IQSEC3: variants seen among roughly 807,000 people sequenced by gnomAD.
IQSEC3 encodes IQ motif and Sec7 domain ArfGEF 3, also known as IQ motif and SEC7 domain-containing protein 3.
Under a neutral mutation model 105.4 loss-of-function variants are expected in IQSEC3, and 50 were observed. The ratio of observed to expected loss-of-function variants is 0.47; its 90% CI spans 0.38 to 0.60. The LOEUF (loss-of-function observed/expected upper bound fraction) is 0.60. IQSEC3 is among the 20% of genes least tolerant of loss of function. IQSEC3 has a pLI of 0.00. For synonymous variants in IQSEC3, 708 were observed against 746.0 expected (o/e 0.95, Z 0.83); for missense variants, 1,415 against 1,630.0 (o/e 0.87, Z 2.27).
At position 150,553 on chromosome 12, in the gene IQSEC3, G is replaced by A. The variant is rs546260576; in HGVS notation, c.2154-6472G>A. Among the ~76,000 whole-genome samples, 173 of 152,302 alleles carry A rather than the reference G, an allele frequency of 1.1e-3. 1 individual carries two copies. Among genetic ancestry groups the A allele is most frequent in the African/African-American group, 4.0e-3 (168 of 41,558 alleles). On this transcript the variant is annotated intron_variant, in intron 5 of 13. Transcript: ENST00000538872. Reference sequence around the variant, plus strand: ...CAGAGGAAAGAGTCCACCTGGGGAGGGAGGGTGATGGAAGCCAAGAAGACG... The same window carrying A: ...CAGAGGAAAGAGTCCACCTGGGGAGAGAGGGTGATGGAAGCCAAGAAGACG...
At chr12:124,190 C>A (rs1426225285) in intron 2 of IQSEC3, among the ~76,000 whole-genome samples, 1 of 151,908 alleles carries the variant, frequency 6.6e-6, no homozygotes, top group Non-Finnish European at 1.5e-5. Context: ...AGTTCGAGAC[C>A]AGCCTGGCTG....
intron 12 of IQSEC3, among the ~76,000 whole-genome samples, chr12:169,589 G>A (rs2137066809): frequency 6.6e-6 from 1 of 152,292 alleles, no homozygotes; most frequent in South Asian, 2.1e-4. Context: ...CCCTGGCTCA[G>A]GTCAGCCCAC....
intron 13 of IQSEC3, among the ~76,000 whole-genome samples, chr12:172,589 C>T (rs1310839989): frequency 6.6e-6 from 1 of 152,220 alleles, no homozygotes; most frequent in African/African-American, 2.4e-5. Context: ...TCGCCTCCCA[C>T]GGCCTCAGCT....
At chr12:163,712 G>C (rs1867034203) in intron 9 of IQSEC3, 93 bp downstream of exon 9, 1 of 792,310 alleles carries the variant, frequency 1.3e-6, no homozygotes, top group Admixed American at 2.0e-5. Flanking sequence ...GGCAGGAAAG[G>C]ACGCCCAGAG....
At chr12:76,411 G>C (rs1371140114) in intron 1 of IQSEC3, among the ~76,000 whole-genome samples, 1 of 152,254 alleles carries the variant, frequency 6.6e-6, no homozygotes, top group African/African-American at 2.4e-5. Flanking sequence ...TTACTGACTT[G>C]GGCTGGGGGA....
At position 157,442 on chromosome 12, in the gene IQSEC3, AC is replaced by A; in HGVS notation, c.2277-81del. The stretch of plus-strand genomic sequence containing the variant: ...CCTAAAGCCTTCGGAGAGCTGGGAT[AC>A]CCCCTGGACACCCCCTTCCTTTGTT... On this transcript the variant is annotated intron_variant, in intron 6 of 13. Coordinates refer to ENST00000538872, the MANE Select transcript of IQSEC3 (RefSeq NM_001170738.2). 1.9e-6 allele frequency: 2 copies of A among 1,060,238 alleles called. 1 individual carries two copies. Among genetic ancestry groups the A allele is most frequent in the South Asian group, 3.2e-5 (2 of 62,168 alleles). 65.7% of individuals were successfully genotyped at this position (1,060,238 alleles called of 1,614,324 possible). A position where few individuals can be genotyped will look rare whatever the true frequency, so the allele number is the denominator to read the frequency against.
chr12:139,250 G>A lies in IQSEC3; in HGVS notation c.1887G>A (p.Leu629=), dbSNP rs1555088338. ...KDALQAMILS[L]PRYHCENPAS... The stretch of plus-strand genomic sequence containing the variant: ...CCCTGCAGGCCATGATCCTGAGCCT[G>A]CCGCGCTACCACTGCGAGAACCCAG... Residue 629 remains leucine, a synonymous_variant, in exon 4 of 14, where the codon CTG becomes CTA. Transcript: ENST00000538872. The A allele has an allele frequency of 1.2e-6, 2 of 1,609,382 alleles. No homozygotes were observed. The highest frequency in any genetic ancestry group is 3.3e-5 in the Admixed American group (2 of 59,726).
At chr12:124,454 A>T (rs1555082626) in intron 2 of IQSEC3, among the ~76,000 whole-genome samples, 1 of 152,044 alleles carries the variant, frequency 6.6e-6, no homozygotes, top group African/African-American at 2.4e-5. Context: ...TGTGCTAAGC[A>T]CCTGACCTCT....
At chr12:128,947 G>A (rs1195100899) in intron 3 of IQSEC3, among the ~76,000 whole-genome samples, 5 of 152,270 alleles carry the variant, frequency 3.3e-5, no homozygotes, top group East Asian at 1.9e-4. Context: ...GGTTCCAGCC[G>A]TTCCTATTTG....
At chr12:110,800 C>G (rs1555079348) in intron 2 of IQSEC3, among the ~76,000 whole-genome samples, 1 of 152,062 alleles carries the variant, frequency 6.6e-6, no homozygotes, top group African/African-American at 2.4e-5. Context: ...AACCTCAGTA[C>G]TTGCTAGAGG....
At position 138,165 on chromosome 12, in the gene IQSEC3, T is replaced by A; in HGVS notation, c.904-102T>A. 3.7e-6 allele frequency: 4 copies of A among 1,072,350 alleles called. No homozygotes were observed. Among genetic ancestry groups the A allele is most frequent in the Non-Finnish European group, 4.1e-6 (3 of 738,936 alleles). The allele number at this position is 1,072,350 out of a possible 1,614,324, so 66.4% of individuals were successfully genotyped here. A position where few individuals can be genotyped will look rare whatever the true frequency, so the allele number is the denominator to read the frequency against. ...GCGCCCCCCCGCCCCCGTCCATTCCTGGGCCCCACCCGAGTGTGGCCGGGT... is the reference window on the plus strand; with the variant it reads ...GCGCCCCCCCGCCCCCGTCCATTCCAGGGCCCCACCCGAGTGTGGCCGGGT... On this transcript the variant is annotated intron_variant, in intron 3 of 13. Coordinates refer to ENST00000538872, the MANE Select transcript of IQSEC3 (RefSeq NM_001170738.2). The surrounding 1 kb of genome is among the most constrained non-coding windows in gnomAD (Gnocchi z 7.1).
intron 3 of IQSEC3, among the ~76,000 whole-genome samples, chr12:134,653 G>T (rs782695729): frequency 2.0e-5 from 3 of 152,118 alleles, no homozygotes; most frequent in Non-Finnish European, 2.9e-5. Flanking sequence ...CAGCACTTTG[G>T]GAGGCCAAGG....
chr12:96,061 T>C lies in IQSEC3; in HGVS notation c.555-3085T>C, dbSNP rs77591740. Among the ~76,000 whole-genome samples the C allele has an allele frequency of 2.6e-3, 398 of 152,264 alleles. 2 individuals are homozygous for C. In the East Asian group the frequency reaches 0.027, roughly 10 times the overall value. On this transcript the variant is annotated intron_variant, in intron 1 of 13. Coordinates refer to ENST00000538872, the MANE Select transcript of IQSEC3 (RefSeq NM_001170738.2). Reference sequence around the variant, plus strand: ...CCTAAGAACACGCACCCAAGGTGGTTGGGCTGCAGCTTTGTTTTATACGTT... The same window carrying C: ...CCTAAGAACACGCACCCAAGGTGGTCGGGCTGCAGCTTTGTTTTATACGTT...
Position 138,695 on chromosome 12 carries a change from G to A in IQSEC3, c.1332G>A (p.Ala444=), listed in dbSNP as rs1301940705. The change falls in exon 4 of 14, where the codon GCG becomes GCA. Residue 444 remains alanine (A), a synonymous_variant. Transcript: ENST00000538872. The surrounding 1 kb of genome is among the most constrained non-coding windows in gnomAD (Gnocchi z 7.1). ...YQLHQALQAA[A]GPPGLEAEGR... is the part of the protein sequence containing the mutation. ...TCCACCAGGCCCTGCAGGCGGCCGC[G>A]GGGCCCCCAGGCCTGGAGGCCGAGG... The A allele has an allele frequency of 5.9e-6, 9 of 1,531,328 alleles. No homozygotes were observed. In the African/African-American group the frequency reaches 9.6e-5, roughly 16 times the overall value. 94.9% of individuals were successfully genotyped at this position (1,531,328 alleles called of 1,614,324 possible).
chr12:81,760 T>A (rs1863753619), intron 1 of IQSEC3, among the ~76,000 whole-genome samples: 1 of 151,302 alleles, frequency 6.6e-6, no homozygotes, highest in Non-Finnish European at 1.5e-5. Flanking sequence ...CACCAAGGAG[T>A]GAGAACAGAA....
chr12:116,237 C>T (rs978468523), intron 2 of IQSEC3, among the ~76,000 whole-genome samples: 1 of 152,128 alleles, frequency 6.6e-6, no homozygotes, highest in South Asian at 2.1e-4. Flanking sequence ...GCTGGTACAG[C>T]GAGCGTTCAA....
At chr12:158,071 G>A (rs76755166) in intron 7 of IQSEC3, among the ~76,000 whole-genome samples, 4,029 of 152,322 alleles carry the variant, frequency 0.026, 57 homozygotes, top group Middle Eastern at 0.041. Flanking sequence ...CAGCCTTGCA[G>A]ATAACTGTAT....
At chr12:134,376 A>G (rs1865691228) in intron 3 of IQSEC3, among the ~76,000 whole-genome samples, 1 of 152,194 alleles carries the variant, frequency 6.6e-6, no homozygotes, top group African/African-American at 2.4e-5. Flanking sequence ...AAGCATAGAC[A>G]TTGCCCAGTA....
At chr12:85,947 A>G (rs1220564866) in intron 1 of IQSEC3, among the ~76,000 whole-genome samples, 2 of 152,146 alleles carry the variant, frequency 1.3e-5, no homozygotes, top group African/African-American at 4.8e-5. Flanking sequence ...ACCCTTAGGA[A>G]TCGGGATTTA....
Sources: gnomAD v4.1 joint callset for allele counts (sites outside exome capture counted in the v4.1 genomes callset) on GRCh38, gnomAD v4.1.1 for gene constraint, Gnocchi (gnomAD v3.1) non-coding constraint, MANE v1.5 for transcripts, NCBI Gene and HGNC (gene_info 2026-07-23, HGNC 2026-07-21) for gene names.